The following PRRG1 variants were observed in gnomAD, a reference collection of about 807,000 sequenced individuals.
PRRG1 encodes transmembrane gamma-carboxyglutamic acid protein 1.
Under a neutral mutation model 11.8 loss-of-function variants are expected in PRRG1, and 5 were observed. That is an observed-to-expected ratio of 0.42 (90% confidence interval 0.22 to 0.89). The LOEUF is 0.89. Among genes scored for constraint, PRRG1 ranks in the 40% least tolerant of loss-of-function variants. The pLI is 0.28. For missense variants in PRRG1, 155 were observed against 166.1 expected (o/e 0.93, Z 0.37); for synonymous variants, 66 against 60.4 (o/e 1.09, Z -0.43).
intron 3 of PRRG1, among the ~76,000 whole-genome samples, chrX:37,446,446 T>A (rs1556395215): frequency 8.9e-6 from 1 of 111,873 alleles, no homozygotes; most frequent in African/African-American, 3.2e-5. Context: ...CCAGAAATAA[T>A]GCATTTCTTT....
chrX:37,402,002 A>G (rs1328651331), intron 1 of PRRG1, among the ~76,000 whole-genome samples: 8 of 111,677 alleles, frequency 7.2e-5, no homozygotes, highest in Non-Finnish European at 1.5e-4. Context: ...AAACAAATGG[A>G]AGAACATTCC....
intron 3 of PRRG1, among the ~76,000 whole-genome samples, chrX:37,429,693 T>A (rs953727690): frequency 8.9e-6 from 1 of 112,039 alleles, no homozygotes; most frequent in South Asian, 3.8e-4. Context: ...GTTACCCAGT[T>A]CCAAAGTCAT....
At chrX:37,442,485 G>A (rs950483604) in intron 3 of PRRG1, among the ~76,000 whole-genome samples, 2 of 109,566 alleles carry the variant, frequency 1.8e-5, no homozygotes, top group South Asian at 8.0e-4. Flanking sequence ...GAGATGGGTG[G>A]GGTGGATGGC....
intron 3 of PRRG1, among the ~76,000 whole-genome samples, chrX:37,445,164 C>T (rs1933051417): frequency 8.9e-6 from 1 of 112,039 alleles, no homozygotes; most frequent in Admixed American, 9.5e-5. Flanking sequence ...TGAGCTTTGG[C>T]AAAGAGGCTC....
chrX:37,389,719 A>G (rs1601992039), intron 1 of PRRG1, among the ~76,000 whole-genome samples: 4 of 112,118 alleles, frequency 3.6e-5, no homozygotes, highest in Middle Eastern at 9.3e-3. Context: ...CACCTTCTAC[A>G]TTGGGAATTA....
intron 1 of PRRG1, among the ~76,000 whole-genome samples, chrX:37,396,331 G>C (rs1309591265): frequency 1.8e-5 from 2 of 111,829 alleles, no homozygotes; most frequent in East Asian, 2.8e-4. Context: ...ACTCTTACTT[G>C]AATATACTTG....
At position 37,455,081 on chromosome X, in the gene PRRG1, C is replaced by T. The variant is rs1556397989; in HGVS notation, c.*1460C>T. ...ATTTCCTGCTGCTTCCAGCTCCATCCCTACAGACTCCTCCCCGAGTCCTGC... is the reference window on the plus strand; with the variant it reads ...ATTTCCTGCTGCTTCCAGCTCCATCTCTACAGACTCCTCCCCGAGTCCTGC... On this transcript the variant is annotated 3_prime_UTR_variant, in exon 4 of 4. Transcript: ENST00000378628. 9.0e-6 allele frequency: 1 copy of T among 111,315 alleles called. No individual in the cohort carries two copies. Among genetic ancestry groups the T allele is most frequent in the Non-Finnish European group, 1.9e-5 (1 of 53,024 alleles). The allele number at this position is 111,315 out of a possible 1,213,427, so 9.2% of individuals were successfully genotyped here.
chrX:37,444,112 T>C (rs1421483316), intron 3 of PRRG1, among the ~76,000 whole-genome samples: 2 of 112,044 alleles, frequency 1.8e-5, no homozygotes, highest in Admixed American at 1.9e-4. Flanking sequence ...TTCTTAAAAA[T>C]GAGGATTATG....
intron 1 of PRRG1, among the ~76,000 whole-genome samples, chrX:37,393,379 G>T (rs782477654): frequency 1.8e-5 from 2 of 108,814 alleles, no homozygotes; most frequent in African/African-American, 6.6e-5. Context: ...TATACCTCAA[G>T]CTTTTATATC....
intron 2 of PRRG1, among the ~76,000 whole-genome samples, chrX:37,409,826 C>T (rs1026877862): frequency 1.3e-4 from 15 of 111,827 alleles, no homozygotes; most frequent in African/African-American, 4.5e-4. Flanking sequence ...ATGACACTAG[C>T]CTCATAACAT....
intron 2 of PRRG1, among the ~76,000 whole-genome samples, chrX:37,417,260 A>AT (rs1556385446): frequency 1.8e-5 from 2 of 110,507 alleles, no homozygotes; most frequent in African/African-American, 6.6e-5. Flanking sequence ...AATAATCATT[A>AT]TTTTTTTCTC....
At chrX:37,417,385 A>G (rs782283674) in intron 2 of PRRG1, among the ~76,000 whole-genome samples, 113 of 111,538 alleles carry the variant, frequency 1.0e-3, no homozygotes, top group Non-Finnish European at 2.0e-3. Context: ...AACATATACT[A>G]TATGCTATAC....
chrX:37,417,036 A>G (rs1164720807), intron 2 of PRRG1, among the ~76,000 whole-genome samples: 3 of 111,446 alleles, frequency 2.7e-5, no homozygotes, highest in Non-Finnish European at 5.7e-5. Flanking sequence ...TTTTATTTTT[A>G]AAGAATACTG....
chrX:37,429,469 C>T (rs5917602), intron 3 of PRRG1, among the ~76,000 whole-genome samples: 2 of 110,951 alleles, frequency 1.8e-5, no homozygotes, highest in Non-Finnish European at 3.8e-5. Context: ...AAAATGCCAC[C>T]AGTCTCTTTG....
intron 1 of PRRG1, among the ~76,000 whole-genome samples, chrX:37,400,685 G>A (rs1333383120): frequency 9.0e-6 from 1 of 111,421 alleles, no homozygotes; most frequent in Admixed American, 9.5e-5. Context: ...AAAAATTAAT[G>A]AATCCAGGAG....
chrX:37,451,474 T>G (rs782595621), intron 3 of PRRG1, among the ~76,000 whole-genome samples: 1 of 112,812 alleles, frequency 8.9e-6, no homozygotes, highest in East Asian at 2.8e-4. Flanking sequence ...TTTTTACCTG[T>G]GAATATATAT....
rs1556397198 is a variant in PRRG1, at chrX:37,453,358, C to T, written c.394C>T (p.Pro132Ser). 3.4e-6 allele frequency: 4 copies of T among 1,191,398 alleles called. No homozygotes were observed. The highest frequency in any genetic ancestry group is 2.2e-5 in the Admixed American group (1 of 45,253). ...TCAGCACCTTAATATTATCACCCCA[C>T]CCCCCCCACCAGATGAAGTGTTTGA... Reference protein sequence around the residue: ...FPQHLNIITPPPPPDEVFDSS... With the variant: ...FPQHLNIITPSPPPDEVFDSS... The change falls in exon 4 of 4, where the codon CCC (proline) becomes TCC (serine). Residue 132 changes from proline to serine, a missense_variant. Physicochemically the swap from Pro to Ser is moderately conservative, Grantham distance 74. Coordinates refer to ENST00000378628, the MANE Select transcript of PRRG1 (RefSeq NM_001142395.2).
chrX:37,449,227 T>C (rs995246369), intron 3 of PRRG1, among the ~76,000 whole-genome samples: 1 of 111,561 alleles, frequency 9.0e-6, no homozygotes, highest in Admixed American at 9.6e-5. Context: ...TGTCATTCTC[T>C]TTCAAGGATA....
intron 1 of PRRG1, among the ~76,000 whole-genome samples, chrX:37,399,747 C>G (rs1931885382): frequency 9.6e-6 from 1 of 104,587 alleles, no homozygotes; most frequent in African/African-American, 3.6e-5. Flanking sequence ...ATCTCACGTT[C>G]AGAGACACAC....
Sources: gnomAD v4.1 joint callset for allele counts (sites outside exome capture counted in the v4.1 genomes callset) on GRCh38, gnomAD v4.1.1 for gene constraint, MANE v1.5 for transcripts, NCBI Gene and HGNC (gene_info 2026-07-23, HGNC 2026-07-21) for gene names.